GPC4: variants seen among roughly 807,000 people sequenced by gnomAD.
The protein encoded by GPC4 is glypican 4, also known as glypican-4.
Under a neutral mutation model 35.0 loss-of-function variants are expected in GPC4, and 10 were observed. The ratio of observed to expected loss-of-function variants is 0.29; its 90% confidence interval spans 0.18 to 0.48. The LOEUF (loss-of-function observed/expected upper bound fraction) is 0.48, where lower values mean the gene tolerates loss of function less well. Among genes scored for constraint, GPC4 ranks in the 20% least tolerant of loss-of-function variants. The probability of loss-of-function intolerance (pLI) is 0.99; values close to 1 mark genes in which losing one functional copy is unlikely to be tolerated. For missense variants in GPC4, 322 were observed against 451.3 expected (o/e 0.71, Z 2.60); for synonymous variants, 167 against 170.2 (o/e 0.98, Z 0.15).
chrX:133,337,824 T>C (rs778071212), intron 2 of GPC4, among the ~76,000 whole-genome samples: 124 of 110,935 alleles, frequency 1.1e-3, no homozygotes, highest in African/African-American at 3.9e-3. Context: ...CATTTTCACA[T>C]GGTATTAACA....
At chrX:133,363,049 C>G (rs937984290) in intron 1 of GPC4, among the ~76,000 whole-genome samples, 1 of 112,611 alleles carries the variant, frequency 8.9e-6, no homozygotes, top group Admixed American at 9.4e-5. Context: ...CAAGGAGTGT[C>G]TGGCTAAGCT....
Position 133,415,450 on chromosome X carries a change from C to T in GPC4, c.-485G>A, listed in dbSNP as rs1440743707. ...CGGCTCGGCTGACTCTGCCCTCCGC[C>T]GCGCGGCTGTGCCCTTCTCAGCTCT... On this transcript the variant is annotated 5_prime_UTR_variant, in exon 1 of 9. Transcript: ENST00000370828. The T allele has an allele frequency of 2.7e-5, 3 of 112,972 alleles. No individual in the cohort carries two copies. The highest frequency in any genetic ancestry group is 2.9e-4 in the East Asian group (1 of 3,428). 9.3% of individuals were successfully genotyped at this position (112,972 alleles called of 1,213,427 possible).
chrX:133,344,801 G>A (rs912753608), intron 1 of GPC4, among the ~76,000 whole-genome samples: 10 of 112,192 alleles, frequency 8.9e-5, no homozygotes, highest in African/African-American at 2.9e-4. Flanking sequence ...GAGAACCCAG[G>A]CTTTGCCTGC....
chrX:133,323,334 G>A (rs1025723945), intron 3 of GPC4, among the ~76,000 whole-genome samples: 16 of 111,198 alleles, frequency 1.4e-4, no homozygotes, highest in African/African-American at 5.2e-4. Context: ...CAAAAAATTA[G>A]CCAGGCGTGC....
intron 3 of GPC4, among the ~76,000 whole-genome samples, chrX:133,319,305 G>A (rs771140214): frequency 9.3e-6 from 1 of 108,016 alleles, no homozygotes; most frequent in South Asian, 4.2e-4. Flanking sequence ...TTAGCTGGGT[G>A]TGGTGGCACG....
intron 8 of GPC4, 26 bp from the exon 9 acceptor site, chrX:133,303,095 A>G: frequency 8.3e-7 from 1 of 1,207,887 alleles, no homozygotes; most frequent in Non-Finnish European, 1.1e-6. Context: ...ATGGAATAGA[A>G]ATTTCATTCC....
intron 1 of GPC4, among the ~76,000 whole-genome samples, chrX:133,378,977 C>T (rs964109696): frequency 2.0e-4 from 23 of 112,255 alleles, no homozygotes; most frequent in African/African-American, 5.8e-4. Flanking sequence ...GTCAGAAAGA[C>T]GTGGGTTCAC....
chrX:133,398,955 C>T lies in GPC4; in HGVS notation c.160+15851G>A, dbSNP rs2068756714. Among the ~76,000 whole-genome samples, 3 of 111,195 alleles carry T rather than the reference C, an allele frequency of 2.7e-5. No individual in the cohort carries two copies. In the Admixed American group the frequency reaches 2.9e-4, roughly 11 times the overall value. On this transcript the variant is annotated intron_variant, in intron 1 of 8. Transcript: ENST00000370828. ...CACTCAGGCTGCATTTGCTTACAAT[C>T]CTAATCTCCCTGGCCAGCCTATGCA...
At position 133,396,182 on chromosome X, in the gene GPC4, G is replaced by T. The variant is rs778003311; in HGVS notation, c.160+18624C>A. ...ATTAATGGTCCCTAGGAAACTGCCT[G>T]CAGTTGAGGTTATACTTTCAACAAC... On this transcript the variant is annotated intron_variant, in intron 1 of 8. Coordinates refer to ENST00000370828, the MANE Select transcript of GPC4 (RefSeq NM_001448.3). Among the ~76,000 whole-genome samples, 4 of 111,764 alleles carry T rather than the reference G, an allele frequency of 3.6e-5. No individual in the cohort carries two copies. The East Asian group carries it at 1.1e-3, about 31-fold the overall frequency.
intron 1 of GPC4, among the ~76,000 whole-genome samples, chrX:133,344,799 A>C (rs184599748): frequency 8.9e-6 from 1 of 112,414 alleles, no homozygotes; most frequent in Non-Finnish European, 1.9e-5. Context: ...TAGAGAACCC[A>C]GGCTTTGCCT....
Position 133,318,668 on chromosome X carries a change from G to A in GPC4, c.711+5477C>T, listed in dbSNP as rs568559280. ...GGAGCTATTAATTTTCATGATGCAT[G>A]TAACCACTTGTGCATTTCTGAAAGA... is the stretch of plus-strand genomic sequence containing the variant. On this transcript the variant is annotated intron_variant, in intron 3 of 8. Transcript: ENST00000370828. 1.7e-4 allele frequency among the ~76,000 whole-genome samples: 19 copies of A among 112,195 alleles called. No individual in the cohort carries two copies. In the South Asian group the frequency reaches 7.2e-3, roughly 42 times the overall value.
intron 1 of GPC4, among the ~76,000 whole-genome samples, chrX:133,372,783 T>C (rs1326199798): frequency 8.9e-6 from 1 of 112,357 alleles, no homozygotes; most frequent in Non-Finnish European, 1.9e-5. Flanking sequence ...TGCTCCTTAG[T>C]GTGTGGCTTT....
chrX:133,324,069 C>A (rs2068379067), intron 3 of GPC4, 76 bp downstream of exon 3: 1 of 1,084,045 alleles, frequency 9.2e-7, no homozygotes. Context: ...ATTTATTTTT[C>A]TACCTTTCCC....
intron 1 of GPC4, among the ~76,000 whole-genome samples, chrX:133,382,783 C>T (rs1173718718): frequency 1.8e-5 from 2 of 112,687 alleles, no homozygotes; most frequent in Admixed American, 9.4e-5. Flanking sequence ...AAGGTCTCAG[C>T]GAACTCGTCA....
chrX:133,375,192 C>T (rs773108598), intron 1 of GPC4, among the ~76,000 whole-genome samples: 59 of 111,913 alleles, frequency 5.3e-4, no homozygotes, highest in Non-Finnish European at 9.8e-4. Context: ...AACTGAACTA[C>T]GTACTCCTGG....
chrX:133,394,365 T>C (rs1163538656), intron 1 of GPC4, among the ~76,000 whole-genome samples: 1 of 111,103 alleles, frequency 9.0e-6, no homozygotes, highest in Non-Finnish European at 1.9e-5. Context: ...ACTACTGTTA[T>C]TCTATCATCT....
At chrX:133,367,088 C>T (rs1436960017) in intron 1 of GPC4, among the ~76,000 whole-genome samples, 1 of 112,099 alleles carries the variant, frequency 8.9e-6, no homozygotes, top group Non-Finnish European at 1.9e-5. Context: ...GCTCAGGTGG[C>T]TCCCACCCTG....
intron 1 of GPC4, among the ~76,000 whole-genome samples, chrX:133,413,283 G>A (rs2068820850): frequency 8.9e-6 from 1 of 112,280 alleles, no homozygotes; most frequent in Admixed American, 9.4e-5. Flanking sequence ...TAGTGAGCAT[G>A]TTATTTGGTA....
intron 1 of GPC4, among the ~76,000 whole-genome samples, chrX:133,353,516 T>C (rs965669402): frequency 3.6e-5 from 4 of 111,723 alleles, no homozygotes; most frequent in African/African-American, 1.3e-4. Context: ...TAGCTTGCCC[T>C]CTCTAACTCT....
Sources: allele counts gnomAD v4.1 joint callset (sites outside exome capture counted in the v4.1 genomes callset), GRCh38; gene constraint gnomAD v4.1.1; transcripts MANE v1.5; gene names NCBI Gene and HGNC (gene_info 2026-07-23, HGNC 2026-07-21).